The following CEP128 variants were observed in gnomAD, a reference collection of about 807,000 sequenced individuals.
CEP128 encodes centrosomal protein 128.
CEP128 carries 132 observed loss-of-function variants against 156.7 expected under a neutral mutation model. The ratio of observed to expected loss-of-function variants is 0.84; its 90% confidence interval spans 0.73 to 0.97. The LOEUF is 0.97. Among genes scored for constraint, CEP128 ranks in the 50% least tolerant of loss-of-function variants. The pLI is 0.00. For missense variants in CEP128, 1,252 were observed against 1,281.9 expected, an observed-to-expected ratio of 0.98 and a Z score of 0.36; for synonymous variants, 469 against 448.9, an observed-to-expected ratio of 1.04 and a Z score of -0.57.
chr14:80,651,086 C>G (rs1196247464), intron 19 of CEP128, among the ~76,000 whole-genome samples: 1 of 152,116 alleles, frequency 6.6e-6, no homozygotes, highest in Admixed American at 6.6e-5. Context: ...ATTACTGCCT[C>G]AATTTGAGAA....
At chr14:80,505,854 T>C (rs1423530625) in intron 23 of CEP128, among the ~76,000 whole-genome samples, 1 of 152,230 alleles carries the variant, frequency 6.6e-6, no homozygotes, top group Non-Finnish European at 1.5e-5. Flanking sequence ...CATTCATTCA[T>C]TCATTCACAA....
At chr14:80,944,099 C>CA (rs1886269401), upstream of CEP128, among the ~76,000 whole-genome samples, 1 of 151,532 alleles carries the variant, frequency 6.6e-6, no homozygotes, top group Non-Finnish European at 1.5e-5. Context: ...GTTAAACCAA[C>CA]AAAATAGATT....
intron 22 of CEP128, chr14:80,527,346 G>T: frequency 3.0e-6 from 1 of 337,642 alleles, no homozygotes; most frequent in Non-Finnish European, 6.1e-6. Flanking sequence ...GGGAGAATGA[G>T]GATTGCTTGA....
Position 80,785,561 on chromosome 14 carries a change from C to G in CEP128, c.1561-16G>C. On this transcript the variant is annotated splice_polypyrimidine_tract_variant and intron_variant, in intron 14 of 24. Coordinates refer to ENST00000555265, the MANE Select transcript of CEP128 (RefSeq NM_152446.5). The stretch of plus-strand genomic sequence containing the variant: ...CTTTTAAAATCTATCAGGTTAAGAA[C>G]ATGAAGCAAAAGAAAAAAATAAAAG... 1 of 1,550,558 alleles carries G rather than the reference C, an allele frequency of 6.4e-7. No individual in the cohort carries two copies. The highest frequency in any genetic ancestry group is 8.7e-7 in the Non-Finnish European group (1 of 1,150,576).
intron 5 of CEP128, among the ~76,000 whole-genome samples, chr14:80,905,174 T>A (rs1431500763): frequency 1.0e-5 from 1 of 97,388 alleles, no homozygotes; most frequent in Non-Finnish European, 1.9e-5. Flanking sequence ...AAAGTTTCAA[T>A]TTGTTATACT....
chr14:80,660,123 T>C (rs763813121), intron 19 of CEP128, among the ~76,000 whole-genome samples: 1 of 152,168 alleles, frequency 6.6e-6, no homozygotes. Flanking sequence ...GGTTATACCA[T>C]CATAAGTTTA....
At chr14:80,701,740 T>C (rs1330008898) in intron 19 of CEP128, among the ~76,000 whole-genome samples, 2 of 152,226 alleles carry the variant, frequency 1.3e-5, no homozygotes, top group African/African-American at 4.8e-5. Flanking sequence ...TATGTTTCAA[T>C]TGTTCAGGCA....
chr14:80,754,827 A>G (rs1474042515), intron 18 of CEP128, among the ~76,000 whole-genome samples: 1 of 152,146 alleles, frequency 6.6e-6, no homozygotes, highest in Non-Finnish European at 1.5e-5. Flanking sequence ...TTCTCAGTAA[A>G]TTCCATTAAG....
At position 80,783,900 on chromosome 14, in the gene CEP128, C is replaced by T. The variant is rs371867611; in HGVS notation, c.2211+995G>A. On this transcript the variant is annotated intron_variant, in intron 15 of 24. Coordinates refer to ENST00000555265, the MANE Select transcript of CEP128 (RefSeq NM_152446.5). ...TATTTTAGCCTCCATTCTGACCTGC[C>T]AATCCCAACTGAAGACCCCAAATCC... is the stretch of plus-strand genomic sequence containing the variant. Among the ~76,000 whole-genome samples the T allele has an allele frequency of 1.2e-4, 19 of 152,262 alleles. No homozygotes were observed. In the East Asian group the frequency reaches 2.1e-3, roughly 17 times the overall value.
At chr14:80,688,209 T>G (rs114509807) in intron 19 of CEP128, among the ~76,000 whole-genome samples, 2 of 152,118 alleles carry the variant, frequency 1.3e-5, no homozygotes, top group Non-Finnish European at 2.9e-5. Flanking sequence ...ATTTTATTAA[T>G]TTTATTTAAA....
At chr14:80,841,211 T>G (rs1002615741) in intron 9 of CEP128, among the ~76,000 whole-genome samples, 1 of 152,164 alleles carries the variant, frequency 6.6e-6, no homozygotes, top group African/African-American at 2.4e-5. Context: ...GAACTGTCTT[T>G]CATAATATCT....
At chr14:80,927,188 C>T (rs1885197992) in intron 2 of CEP128, among the ~76,000 whole-genome samples, 1 of 152,198 alleles carries the variant, frequency 6.6e-6, no homozygotes, top group Admixed American at 6.5e-5. Context: ...GGCAGACACC[C>T]CGTCGGACAA....
intron 9 of CEP128, among the ~76,000 whole-genome samples, chr14:80,851,995 T>C (rs970488846): frequency 9.2e-5 from 14 of 152,004 alleles, no homozygotes; most frequent in African/African-American, 3.1e-4. Flanking sequence ...ATAATCTCTA[T>C]AATAATGAGA....
At chr14:80,676,651 A>G (rs546151287) in intron 19 of CEP128, among the ~76,000 whole-genome samples, 1 of 152,232 alleles carries the variant, frequency 6.6e-6, no homozygotes, top group African/African-American at 2.4e-5. Context: ...GTATCCTTCT[A>G]TTTAAAAGGA....
At chr14:80,773,421 T>C (rs1045372172) in intron 16 of CEP128, among the ~76,000 whole-genome samples, 14 of 152,064 alleles carry the variant, frequency 9.2e-5, no homozygotes, top group African/African-American at 3.4e-4. Flanking sequence ...ATGCAGTATA[T>C]AAAAAATAAT....
rs78694272 is a variant in CEP128, at chr14:80,669,617, C to A, written c.2806+73458G>T. Among the ~76,000 whole-genome samples, 9 of 152,278 alleles carry A rather than the reference C, an allele frequency of 5.9e-5. No homozygotes were observed. In the East Asian group the frequency reaches 1.7e-3, roughly 29 times the overall value. On this transcript the variant is annotated intron_variant, in intron 19 of 24. Transcript: ENST00000555265. ...TGCAAATTAAAACCACAATAACATA[C>A]CATCTTACAGTAGTCAGTACGGCTA... is the stretch of plus-strand genomic sequence containing the variant.
chr14:80,478,074 T>C (rs1886977744), exon 15 of CEP128: 1 of 152,114 alleles, frequency 6.6e-6, no homozygotes, highest in African/African-American at 2.4e-5. Context: ...TTTCCCCCCT[T>C]TTTTCTGCTT....
intron 19 of CEP128, among the ~76,000 whole-genome samples, chr14:80,663,961 C>T (rs1175988941): frequency 2.0e-5 from 3 of 152,170 alleles, no homozygotes; most frequent in Non-Finnish European, 1.5e-5. Context: ...AACTGCCCAC[C>T]GCCTACATCT....
chr14:80,700,255 C>T (rs1897028477), intron 19 of CEP128, among the ~76,000 whole-genome samples: 2 of 152,096 alleles, frequency 1.3e-5, no homozygotes, highest in Admixed American at 1.3e-4. Context: ...TGAGCCACCC[C>T]AACCCCTACT....
Sources: gnomAD v4.1 joint callset for allele counts (sites outside exome capture counted in the v4.1 genomes callset) on GRCh38, gnomAD v4.1.1 for gene constraint, MANE v1.5 for transcripts, NCBI Gene and HGNC (gene_info 2026-07-23, HGNC 2026-07-21) for gene names.